MACROD2: variants seen among roughly 807,000 people sequenced by gnomAD.
MACROD2 encodes mono-ADP ribosylhydrolase 2.
A neutral mutation model predicts 70.4 loss-of-function variants in MACROD2; 36 were observed. The observed-to-expected ratio is 0.51, with a 90% CI of 0.39 to 0.68. MACROD2 has a LOEUF of 0.68. Among genes scored for constraint, MACROD2 ranks in the 30% least tolerant of loss-of-function variants. The probability of loss-of-function intolerance (pLI) is 0.00; values close to 1 mark genes in which losing one functional copy is unlikely to be tolerated. For synonymous variants in MACROD2, 172 were observed against 178.8 expected (o/e 0.96, Z 0.30); for missense variants, 496 against 538.4 (o/e 0.92, Z 0.78).
chr20:14,558,889 A>G (rs1979238797), intron 4 of MACROD2, among the ~76,000 whole-genome samples: 1 of 151,616 alleles, frequency 6.6e-6, no homozygotes. Flanking sequence ...GTGTGTATTT[A>G]TACCATATAG....
chr20:14,693,979 T>C (rs2071091544), intron 5 of MACROD2, among the ~76,000 whole-genome samples: 1 of 152,172 alleles, frequency 6.6e-6, no homozygotes, highest in Non-Finnish European at 1.5e-5. Flanking sequence ...TACTCACAGC[T>C]AGAGTGCTCT....
chr20:14,695,112 T>C (rs2071107956), intron 5 of MACROD2, among the ~76,000 whole-genome samples: 1 of 152,030 alleles, frequency 6.6e-6, no homozygotes, highest in Non-Finnish European at 1.5e-5. Context: ...TACCACAACT[T>C]GATGGCCAAA....
intron 8 of MACROD2, among the ~76,000 whole-genome samples, chr20:15,534,637 C>T (rs1420617630): frequency 6.6e-6 from 1 of 152,066 alleles, no homozygotes; most frequent in Non-Finnish European, 1.5e-5. Flanking sequence ...AGATATGTTT[C>T]ATCAGTTTCA....
chr20:14,845,542 T>G (rs1296335454), intron 5 of MACROD2, among the ~76,000 whole-genome samples: 1 of 152,052 alleles, frequency 6.6e-6, no homozygotes, highest in Admixed American at 6.6e-5. Flanking sequence ...GCCAAGAAAT[T>G]CTTTTGCAGT....
At chr20:14,731,092 C>T (rs16994851) in intron 5 of MACROD2, among the ~76,000 whole-genome samples, 15,883 of 151,938 alleles carry the variant, frequency 0.1, 1,331 homozygotes, top group African/African-American at 0.23. Flanking sequence ...ATTTTCTGCT[C>T]ATAACCTTGT....
At chr20:14,427,600 A>G (rs1168163562) in intron 3 of MACROD2, among the ~76,000 whole-genome samples, 1 of 152,046 alleles carries the variant, frequency 6.6e-6, no homozygotes, top group African/African-American at 2.4e-5. Flanking sequence ...AAACATGCAT[A>G]TGCAAATCCA....
intron 12 of MACROD2, among the ~76,000 whole-genome samples, chr20:15,953,963 A>G (rs1401333950): frequency 2.6e-5 from 4 of 152,104 alleles, no homozygotes; most frequent in Non-Finnish European, 5.9e-5. Flanking sequence ...CAGAAAACTA[A>G]TTATATTTTT....
At chr20:14,665,645 G>A (rs1174954055) in intron 4 of MACROD2, among the ~76,000 whole-genome samples, 1 of 151,626 alleles carries the variant, frequency 6.6e-6, no homozygotes, top group Non-Finnish European at 1.5e-5. Context: ...TCTTACCTAA[G>A]TTCAATCATA....
chr20:15,600,433 A>T (rs963392790), intron 8 of MACROD2, among the ~76,000 whole-genome samples: 1 of 152,128 alleles, frequency 6.6e-6, no homozygotes, highest in Admixed American at 6.5e-5. Context: ...TCGTTTTCTT[A>T]TGATCTTCAT....
chr20:15,096,808 A>ATTTT (rs11479076), intron 5 of MACROD2, among the ~76,000 whole-genome samples: 1 of 93,658 alleles, frequency 1.1e-5, no homozygotes, highest in Non-Finnish European at 2.0e-5. Context: ...CACTATGCTA[A>ATTTT]TTTTTTTTTT....
intron 4 of MACROD2, among the ~76,000 whole-genome samples, chr20:14,530,734 G>A (rs1339476364): frequency 1.3e-5 from 2 of 152,058 alleles, no homozygotes; most frequent in East Asian, 1.9e-4. Context: ...TTAAGAGCGC[G>A]GAAAAATAAT....
intron 3 of MACROD2, among the ~76,000 whole-genome samples, chr20:14,461,430 G>T (rs1255532045): frequency 6.6e-6 from 1 of 151,006 alleles, no homozygotes; most frequent in Admixed American, 6.6e-5. Context: ...CTCTCCTTCA[G>T]TTCTGCTCTG....
At chr20:14,574,668 A>G (rs1331588301) in intron 4 of MACROD2, among the ~76,000 whole-genome samples, 2 of 150,962 alleles carry the variant, frequency 1.3e-5, no homozygotes, top group Non-Finnish European at 1.5e-5. Context: ...ATTATGAAAT[A>G]TATTATAAAA....
Position 14,433,035 on chromosome 20 carries a change from G to A in MACROD2, c.272-60444G>A, listed in dbSNP as rs1443165387. 3.3e-5 allele frequency among the ~76,000 whole-genome samples: 5 copies of A among 152,098 alleles called. No homozygotes were observed. The East Asian group carries it at 9.6e-4, about 29-fold the overall frequency. On this transcript the variant is annotated intron_variant, in intron 3 of 17. Coordinates refer to ENST00000684519, the MANE Select transcript of MACROD2 (RefSeq NM_001351661.2). ...TCATTATGTGTCTGCACTGGGCCAA[G>A]CTCTTTACACGTGTTGAGGTTTTAA...
At chr20:14,615,357 C>T (rs1282148417) in intron 4 of MACROD2, among the ~76,000 whole-genome samples, 1 of 151,958 alleles carries the variant, frequency 6.6e-6, no homozygotes, top group Non-Finnish European at 1.5e-5. Context: ...AGTGTCACCG[C>T]GTCCATCACA....
intron 3 of MACROD2, among the ~76,000 whole-genome samples, chr20:14,114,803 C>T (rs1263668254): frequency 1.3e-5 from 2 of 152,202 alleles, no homozygotes; most frequent in Middle Eastern, 3.4e-3. Flanking sequence ...TACAAACTGG[C>T]GTAACAGTGT....
chr20:15,235,853 T>C (rs1414071689), intron 6 of MACROD2, among the ~76,000 whole-genome samples: 1 of 152,196 alleles, frequency 6.6e-6, no homozygotes, highest in African/African-American at 2.4e-5. Flanking sequence ...CAACTCTTCA[T>C]CTCCAAGAAC....
At chr20:15,096,451 T>A (rs892762385) in intron 5 of MACROD2, among the ~76,000 whole-genome samples, 52 of 148,068 alleles carry the variant, frequency 3.5e-4, no homozygotes, top group African/African-American at 1.1e-3. Flanking sequence ...TGCTAATATA[T>A]ATATAAATAT....
At chr20:14,820,379 T>G (rs1474333019) in intron 5 of MACROD2, among the ~76,000 whole-genome samples, 7 of 149,900 alleles carry the variant, frequency 4.7e-5, no homozygotes, top group Non-Finnish European at 1.0e-4. Context: ...TTTTTTTTGT[T>G]TTCTCTGCTT....
Sources: gnomAD v4.1 joint callset for allele counts (sites outside exome capture counted in the v4.1 genomes callset) on GRCh38, gnomAD v4.1.1 for gene constraint, MANE v1.5 for transcripts, NCBI Gene and HGNC (gene_info 2026-07-23, HGNC 2026-07-21) for gene names.